Variants in LINGO2 observed in about 807,000 individuals in gnomAD.
The protein encoded by LINGO2 is leucine-rich repeat and immunoglobulin-like domain-containing nogo receptor-interacting protein 2.
Under a neutral mutation model 30.6 loss-of-function variants are expected in LINGO2, and 14 were observed. The observed-to-expected ratio is 0.46, with a 90% CI of 0.30 to 0.72. LINGO2 has a LOEUF of 0.72. Among genes scored for constraint, LINGO2 ranks in the 30% least tolerant of loss-of-function variants. LINGO2 has a pLI of 0.07. For synonymous variants in LINGO2, 317 were observed against 288.5 expected, an observed-to-expected ratio of 1.10 and a Z score of -1.00; for missense variants, 729 against 751.7, an observed-to-expected ratio of 0.97 and a Z score of 0.35.
At chr9:28,665,695 T>C (rs1011069819) in intron 1 of LINGO2, among the ~76,000 whole-genome samples, 1 of 152,138 alleles carries the variant, frequency 6.6e-6, no homozygotes, top group Admixed American at 6.6e-5. Flanking sequence ...ATAGAGAAAA[T>C]ATAAAGCTTT....
At position 28,243,152 on chromosome 9, in the gene LINGO2, G is replaced by T. The variant is rs184672525; in HGVS notation, c.-87+52056C>A. 3.3e-5 allele frequency among the ~76,000 whole-genome samples: 5 copies of T among 152,116 alleles called. No individual in the cohort carries two copies. The East Asian group carries it at 9.7e-4, about 29-fold the overall frequency. On this transcript the variant is annotated intron_variant, in intron 4 of 5. Transcript: ENST00000379992. ...AACCTTAAATGTAAATGGTCTAAAT[G>T]CCCCAGTTAAAAGACACGGACTAGG... is the stretch of plus-strand genomic sequence containing the variant.
At chr9:28,970,458 T>C in the LINGO2 span, among the ~76,000 whole-genome samples, 98,693 of 151,936 alleles carry the variant, frequency 0.65, 32,729 homozygotes, top group Non-Finnish European at 0.72. Flanking sequence ...CTAGTTTTAA[T>C]ATCCTATCCA....
chr9:28,632,875 TATATGTAGAGAG>T (rs1259294615), intron 1 of LINGO2, among the ~76,000 whole-genome samples: 2,005 of 96,624 alleles, frequency 0.021, 59 homozygotes, highest in Admixed American at 0.06. Flanking sequence ...TATATATATA[TATATGTAGAGAG>T]AGAGAGAGAG....
chr9:29,023,571 C>A, the LINGO2 span, among the ~76,000 whole-genome samples: 8 of 152,040 alleles, frequency 5.3e-5, no homozygotes, highest in South Asian at 1.5e-3. Flanking sequence ...CAAAATGGTG[C>A]TTGCATAGTA....
intron 5 of LINGO2, among the ~76,000 whole-genome samples, chr9:27,982,441 G>C (rs1345045338): frequency 6.6e-6 from 1 of 151,776 alleles, no homozygotes; most frequent in Non-Finnish European, 1.5e-5. Flanking sequence ...GCATGCATGT[G>C]CATACAGATA....
At chr9:28,463,162 C>A (rs991018344) in intron 2 of LINGO2, among the ~76,000 whole-genome samples, 5 of 151,676 alleles carry the variant, frequency 3.3e-5, no homozygotes, top group Middle Eastern at 3.2e-3. Flanking sequence ...CACAAGTTAC[C>A]CTAGTCTTTG....
intron 2 of LINGO2, among the ~76,000 whole-genome samples, chr9:28,425,898 G>A (rs1201894829): frequency 2.0e-5 from 3 of 151,966 alleles, no homozygotes; most frequent in African/African-American, 4.8e-5. Context: ...ATTGTTAAAT[G>A]TAGATAAATT....
rs151049514 is a variant in LINGO2, at chr9:28,640,515, CT to C, written c.-365+29684del. 4.9e-3 allele frequency among the ~76,000 whole-genome samples: 681 copies of C among 139,330 alleles called. 4 individuals are homozygous for C. The highest frequency in any genetic ancestry group is 0.011 in the Middle Eastern group (3 of 280). The allele number at this position is 139,330 out of a possible 152,430, so 91.4% of individuals were successfully genotyped here. On this transcript the variant is annotated intron_variant, in intron 1 of 5. Coordinates refer to ENST00000379992, the Ensembl canonical transcript of LINGO2. ...TCCCATATTTCTTGGAGGCCTTGTT[CT>C]TTTTTTTTTTTTTAATTGTTTTTTC...
At chr9:28,938,904 G>A in the LINGO2 span, among the ~76,000 whole-genome samples, 1 of 152,074 alleles carries the variant, frequency 6.6e-6, no homozygotes, top group Non-Finnish European at 1.5e-5. Flanking sequence ...GTAATGTTAA[G>A]AAATAAGAGC....
chr9:28,380,910 T>A (rs1821328725), intron 2 of LINGO2, among the ~76,000 whole-genome samples: 1 of 152,084 alleles, frequency 6.6e-6, no homozygotes. Context: ...CTCAGGCATA[T>A]GAGGAAGAAA....
the LINGO2 span, among the ~76,000 whole-genome samples, chr9:28,958,457 A>G: frequency 6.6e-6 from 1 of 152,146 alleles, no homozygotes; most frequent in Non-Finnish European, 1.5e-5. Flanking sequence ...GGTAGTCTAA[A>G]AAGATTCCCT....
chr9:28,168,769 C>G (rs892059620), intron 4 of LINGO2, among the ~76,000 whole-genome samples: 1 of 152,174 alleles, frequency 6.6e-6, no homozygotes, highest in Admixed American at 6.5e-5. Context: ...CCTTGTAACA[C>G]GCATGTATTA....
intron 4 of LINGO2, among the ~76,000 whole-genome samples, chr9:28,182,625 A>C (rs538256816): frequency 6.6e-6 from 1 of 152,306 alleles, no homozygotes; most frequent in South Asian, 2.1e-4. Context: ...CAAGAAAAAA[A>C]CCCTAACCAA....
chr9:28,562,794 T>C (rs1823167874), intron 1 of LINGO2, among the ~76,000 whole-genome samples: 1 of 152,106 alleles, frequency 6.6e-6, no homozygotes, highest in Non-Finnish European at 1.5e-5. Flanking sequence ...AGTTACCACA[T>C]TTAATCATTA....
chr9:28,110,651 A>C (rs1288715786), intron 4 of LINGO2, among the ~76,000 whole-genome samples: 3 of 152,164 alleles, frequency 2.0e-5, no homozygotes, highest in African/African-American at 7.2e-5. Context: ...ATCATCACTG[A>C]CCATCAGAGA....
intron 1 of LINGO2, among the ~76,000 whole-genome samples, chr9:28,501,281 C>G (rs570662508): frequency 3.9e-4 from 59 of 152,166 alleles, no homozygotes; most frequent in African/African-American, 1.2e-3. Context: ...ATGCTGCGTT[C>G]TTTGTTTTAT....
At chr9:28,467,816 A>G (rs936434039) in intron 2 of LINGO2, among the ~76,000 whole-genome samples, 5 of 152,138 alleles carry the variant, frequency 3.3e-5, no homozygotes, top group African/African-American at 1.2e-4. Context: ...TTAGAGTAGG[A>G]AATAACATAA....
intron 4 of LINGO2, among the ~76,000 whole-genome samples, chr9:28,170,397 T>C (rs1444800837): frequency 6.6e-6 from 1 of 152,180 alleles, no homozygotes; most frequent in Non-Finnish European, 1.5e-5. Flanking sequence ...ACTGAGGCTA[T>C]TTCAGTGGCA....
At chr9:28,769,510 ATATATATATTTTTTTTTTTTT>A in the LINGO2 span, among the ~76,000 whole-genome samples, 44 of 2,400 alleles carry the variant, frequency 0.018, 5 homozygotes, top group African/African-American at 0.018. Context: ...ATATATATAT[ATATATATATTTTTTTTTTTTT>A]TTTTTTTTTT....
Sources: allele counts gnomAD v4.1 joint callset (sites outside exome capture counted in the v4.1 genomes callset), GRCh38; gene constraint gnomAD v4.1.1; transcripts MANE v1.5; gene names NCBI Gene and HGNC (gene_info 2026-07-23, HGNC 2026-07-21).